CCDC146: variants seen among roughly 807,000 people sequenced by gnomAD.
The protein encoded by CCDC146 is coiled-coil domain-containing protein 146.
A neutral mutation model predicts 119.3 loss-of-function variants in CCDC146; 92 were observed. The observed-to-expected ratio is 0.77, with a 90% CI of 0.65 to 0.92. The LOEUF (loss-of-function observed/expected upper bound fraction) is 0.92, where lower values mean the gene tolerates loss of function less well. CCDC146 is among the 40% of genes least tolerant of loss of function. CCDC146 has a pLI of 0.00. For synonymous variants in CCDC146, 372 were observed against 371.8 expected (o/e 1.00, Z -0.01); for missense variants, 1,000 against 1,103.0 (o/e 0.91, Z 1.32).
chr7:77,278,170 T>C (rs375575242), intron 11 of CCDC146, among the ~76,000 whole-genome samples: 1 of 152,288 alleles, frequency 6.6e-6, no homozygotes, highest in East Asian at 1.9e-4. Context: ...TCCTCTTCTC[T>C]CATCTATTTT....
intron 2 of CCDC146, among the ~76,000 whole-genome samples, chr7:77,225,414 A>G (rs1402295759): frequency 2.0e-5 from 3 of 152,002 alleles, no homozygotes; most frequent in Non-Finnish European, 2.9e-5. Flanking sequence ...CTAGCGGGGC[A>G]TGGTGATGCA....
intron 2 of CCDC146, among the ~76,000 whole-genome samples, chr7:77,191,492 A>G (rs1791761079): frequency 6.6e-6 from 1 of 152,200 alleles, no homozygotes; most frequent in African/African-American, 2.4e-5. Flanking sequence ...ACACAGATTG[A>G]TTTCAGGATA....
At chr7:77,168,641 A>G (rs1303720579) in intron 2 of CCDC146, among the ~76,000 whole-genome samples, 1 of 152,110 alleles carries the variant, frequency 6.6e-6, no homozygotes. Context: ...TGTATACAGG[A>G]TCTAAATTGC....
chr7:77,190,382 C>A (rs1791740812), intron 2 of CCDC146, among the ~76,000 whole-genome samples: 1 of 152,196 alleles, frequency 6.6e-6, no homozygotes, highest in African/African-American at 2.4e-5. Flanking sequence ...CTTCTCCAGC[C>A]TTCTGCTGAT....
chr7:77,151,755 CCATG>C (rs1791111723), intron 1 of CCDC146, among the ~76,000 whole-genome samples: 1 of 152,154 alleles, frequency 6.6e-6, no homozygotes, highest in Non-Finnish European at 1.5e-5. Context: ...TGGTGTCTGA[CCATG>C]CAGGTTCCTC....
chr7:77,219,735 G>T (rs773806227), intron 2 of CCDC146, among the ~76,000 whole-genome samples: 2 of 152,272 alleles, frequency 1.3e-5, no homozygotes, highest in East Asian at 3.9e-4. Flanking sequence ...ACAAAAGAAA[G>T]AAATTTTACA....
intron 18 of CCDC146, among the ~76,000 whole-genome samples, chr7:77,293,672 A>AC (rs1455806453): frequency 6.6e-6 from 1 of 152,178 alleles, no homozygotes; most frequent in Admixed American, 6.5e-5. Context: ...CCCCAGCGCC[A>AC]CCCCTTTCTT....
chr7:77,220,539 T>C (rs997508710), intron 2 of CCDC146, among the ~76,000 whole-genome samples: 2 of 152,222 alleles, frequency 1.3e-5, no homozygotes, highest in African/African-American at 4.8e-5. Flanking sequence ...GATTGGGGAA[T>C]TGATAAATGT....
intron 7 of CCDC146, 141 bp from the exon 8 acceptor site, chr7:77,259,868 A>C: frequency 1.6e-6 from 1 of 633,904 alleles, no homozygotes; most frequent in Non-Finnish European, 2.7e-6. Context: ...CATTGAATTT[A>C]TGACTATCTC....
chr7:77,196,216 A>C lies in CCDC146; in HGVS notation c.156+28392A>C. The C allele has an allele frequency of 8.3e-7, 1 of 1,211,606 alleles. No individual in the cohort carries two copies. Among genetic ancestry groups the C allele is most frequent in the Non-Finnish European group, 1.2e-6 (1 of 859,074 alleles). The allele number at this position is 1,211,606 out of a possible 1,614,324, so 75.1% of individuals were successfully genotyped here. On this transcript the variant is annotated intron_variant, in intron 2 of 18. Transcript: ENST00000285871. The surrounding 1 kb of genome is among the most constrained non-coding windows in gnomAD (Gnocchi z 4.2). ...AAAATATGAAACAAGGCATATTCTA[A>C]AGTGCTGAAGGAATTAATTGCCCTA...
intron 3 of CCDC146, among the ~76,000 whole-genome samples, chr7:77,241,183 G>C (rs1452243660): frequency 6.7e-6 from 1 of 148,456 alleles, no homozygotes. Flanking sequence ...TCAGCCTCCC[G>C]AGTAGCTGGG....
At chr7:77,183,304 C>T (rs900957921) in intron 2 of CCDC146, among the ~76,000 whole-genome samples, 12 of 151,932 alleles carry the variant, frequency 7.9e-5, no homozygotes, top group African/African-American at 4.8e-5. Context: ...TCCACTTTTC[C>T]TTCCCACCCA....
At chr7:77,273,486 G>A (rs1252702434) in intron 9 of CCDC146, among the ~76,000 whole-genome samples, 5 of 151,470 alleles carry the variant, frequency 3.3e-5, no homozygotes, top group African/African-American at 2.4e-5. Flanking sequence ...GTGTGATGAG[G>A]TTGACTACAC....
At chr7:77,190,346 G>A (rs1480885631) in intron 2 of CCDC146, among the ~76,000 whole-genome samples, 1 of 152,162 alleles carries the variant, frequency 6.6e-6, no homozygotes, top group Non-Finnish European at 1.5e-5. Flanking sequence ...TCCTTAATCA[G>A]GCAACCTCAG....
At chr7:77,156,716 G>A (rs1263979294) in intron 1 of CCDC146, among the ~76,000 whole-genome samples, 1 of 152,082 alleles carries the variant, frequency 6.6e-6, no homozygotes, top group Non-Finnish European at 1.5e-5. Context: ...TTTATCTGTG[G>A]CTTTTAGGAC....
intron 2 of CCDC146, among the ~76,000 whole-genome samples, chr7:77,203,633 A>G (rs1410203317): frequency 6.6e-6 from 1 of 151,980 alleles, no homozygotes; most frequent in East Asian, 1.9e-4. Flanking sequence ...TCATGACTTG[A>G]CCTTCTGCCT....
At chr7:77,161,303 C>T (rs902017119) in intron 1 of CCDC146, among the ~76,000 whole-genome samples, 3 of 152,028 alleles carry the variant, frequency 2.0e-5, no homozygotes, top group African/African-American at 7.3e-5. Context: ...ACCCAAAGGA[C>T]TATAAATCAT....
intron 14 of CCDC146, 142 bp downstream of exon 14, chr7:77,280,795 T>G (rs1466108130): frequency 1.6e-6 from 1 of 641,480 alleles, no homozygotes; most frequent in African/African-American, 1.8e-5. Flanking sequence ...GACTGTGTGT[T>G]GCTTCCCTGG....
At chr7:77,198,212 A>T in intron 2 of CCDC146, 1 of 985,390 alleles carries the variant, frequency 1.0e-6, no homozygotes. Context: ...TGAAAATATG[A>T]CCCTTCCCTC....
Sources: allele counts gnomAD v4.1 joint callset (sites outside exome capture counted in the v4.1 genomes callset), GRCh38; gene constraint gnomAD v4.1.1; non-coding constraint Gnocchi (gnomAD v3.1); transcripts MANE v1.5; gene names NCBI Gene and HGNC (gene_info 2026-07-23, HGNC 2026-07-21).